VWA3B: variants seen among roughly 807,000 people sequenced by gnomAD.
The protein encoded by VWA3B is von Willebrand factor A domain containing 3B, also known as von Willebrand factor A domain-containing protein 3B.
Under a neutral mutation model 158.3 loss-of-function variants are expected in VWA3B, and 138 were observed. That is an observed-to-expected ratio of 0.87 (90% CI 0.76 to 1.00). VWA3B has a LOEUF of 1.00. Ranked by LOEUF, VWA3B falls within the 50% of genes least tolerant of loss-of-function variation. The pLI is 0.00. For synonymous variants in VWA3B, 596 were observed against 587.3 expected, an observed-to-expected ratio of 1.01 and a Z score of -0.21; for missense variants, 1,555 against 1,565.1, an observed-to-expected ratio of 0.99 and a Z score of 0.11.
chr2:98,210,067 A>G (rs1407927271), intron 12 of VWA3B, among the ~76,000 whole-genome samples: 1 of 152,178 alleles, frequency 6.6e-6, no homozygotes, highest in Non-Finnish European at 1.5e-5. Flanking sequence ...CAGACCACAG[A>G]TTAAAAATAC....
At chr2:98,103,007 C>T (rs1296325440) in intron 2 of VWA3B, among the ~76,000 whole-genome samples, 1 of 152,200 alleles carries the variant, frequency 6.6e-6, no homozygotes, top group Non-Finnish European at 1.5e-5. Context: ...GTATTTTCCT[C>T]AACAGTATTT....
intron 9 of VWA3B, among the ~76,000 whole-genome samples, chr2:98,183,520 A>C (rs765483807): frequency 2.6e-5 from 4 of 152,208 alleles, no homozygotes; most frequent in Non-Finnish European, 5.9e-5. Context: ...ATGCATTTCT[A>C]ATAAGGGAAT....
chr2:98,304,503 G>T (rs866575535), intron 26 of VWA3B, among the ~76,000 whole-genome samples: 1 of 152,092 alleles, frequency 6.6e-6, no homozygotes, highest in Non-Finnish European at 1.5e-5. Flanking sequence ...GCTGTCTTTG[G>T]GTGCTAACCT....
intron 1 of VWA3B, among the ~76,000 whole-genome samples, chr2:98,089,826 A>G (rs887343009): frequency 1.3e-5 from 2 of 151,852 alleles, no homozygotes; most frequent in Admixed American, 6.6e-5. Context: ...CACTTTTTTT[A>G]AAAATTAATT....
At chr2:98,204,272 C>T (rs888005451) in intron 12 of VWA3B, among the ~76,000 whole-genome samples, 5 of 152,280 alleles carry the variant, frequency 3.3e-5, no homozygotes, top group African/African-American at 4.8e-5. Flanking sequence ...CTTATTGCAG[C>T]GGATAGAACT....
intron 16 of VWA3B, among the ~76,000 whole-genome samples, chr2:98,233,764 G>A (rs996586640): frequency 2.0e-5 from 3 of 152,108 alleles, no homozygotes; most frequent in Admixed American, 6.5e-5. Context: ...TGTAGGAGAG[G>A]GTAAGTCCTC....
intron 8 of VWA3B, among the ~76,000 whole-genome samples, chr2:98,164,550 C>T (rs536923437): frequency 1.3e-5 from 2 of 152,224 alleles, no homozygotes; most frequent in South Asian, 4.1e-4. Context: ...AATTACAGAG[C>T]GATTAAGTCA....
At chr2:98,294,056 G>T (rs575249041) in intron 23 of VWA3B, among the ~76,000 whole-genome samples, 2 of 151,570 alleles carry the variant, frequency 1.3e-5, no homozygotes, top group Non-Finnish European at 2.9e-5. Flanking sequence ...TATCATTGCC[G>T]GCCAGAATAC....
At chr2:98,267,325 G>T (rs1254446427) in intron 21 of VWA3B, among the ~76,000 whole-genome samples, 2 of 151,818 alleles carry the variant, frequency 1.3e-5, no homozygotes, top group African/African-American at 2.4e-5. Flanking sequence ...TTTGTCTTTG[G>T]CTCTGTTTAT....
At chr2:98,263,092 A>G (rs1173022029) in intron 21 of VWA3B, among the ~76,000 whole-genome samples, 1 of 151,884 alleles carries the variant, frequency 6.6e-6, no homozygotes, top group Admixed American at 6.6e-5. Flanking sequence ...GTTAGTGTAT[A>G]GAAATGCAAC....
At chr2:98,134,909 T>A (rs2105057481) in intron 7 of VWA3B, among the ~76,000 whole-genome samples, 1 of 151,774 alleles carries the variant, frequency 6.6e-6, no homozygotes, top group South Asian at 2.1e-4. Flanking sequence ...ATTCTTGGTG[T>A]CCAAGCAGAG....
intron 21 of VWA3B, among the ~76,000 whole-genome samples, chr2:98,269,842 A>T (rs1440402763): frequency 2.0e-5 from 3 of 152,222 alleles, no homozygotes; most frequent in Non-Finnish European, 2.9e-5. Flanking sequence ...CATTCCAATA[A>T]GAATGTTTTG....
At chr2:98,164,333 C>G (rs1373701065) in intron 8 of VWA3B, among the ~76,000 whole-genome samples, 1 of 152,300 alleles carries the variant, frequency 6.6e-6, no homozygotes, top group East Asian at 1.9e-4. Context: ...ACTCTTCTAT[C>G]TAATTTGGAA....
At chr2:98,104,615 C>G (rs997578723) in intron 2 of VWA3B, among the ~76,000 whole-genome samples, 5 of 152,220 alleles carry the variant, frequency 3.3e-5, no homozygotes, top group African/African-American at 1.2e-4. Context: ...AATATCCAAA[C>G]TATAGCAACT....
At chr2:98,242,954 G>C (rs1686173186) in intron 19 of VWA3B, among the ~76,000 whole-genome samples, 1 of 151,578 alleles carries the variant, frequency 6.6e-6, no homozygotes, top group Non-Finnish European at 1.5e-5. Context: ...ATTTAAAACA[G>C]TTATCACAAA....
At chr2:98,304,085 A>C (rs947094687) in intron 26 of VWA3B, among the ~76,000 whole-genome samples, 1 of 152,198 alleles carries the variant, frequency 6.6e-6, no homozygotes, top group Non-Finnish European at 1.5e-5. Flanking sequence ...ATTTGTAAAG[A>C]CTGAAGGCCT....
At chr2:98,317,588 C>T (rs914529962), downstream of VWA3B, among the ~76,000 whole-genome samples, 1 of 152,182 alleles carries the variant, frequency 6.6e-6, no homozygotes, top group Non-Finnish European at 1.5e-5. Flanking sequence ...CCAGACATTC[C>T]CTTCCCTTGA....
intron 8 of VWA3B, among the ~76,000 whole-genome samples, chr2:98,169,183 T>C (rs1050376294): frequency 1.3e-5 from 2 of 152,204 alleles, no homozygotes; most frequent in African/African-American, 4.8e-5. Context: ...GGGCAGCATT[T>C]TTTCTTTCAG....
chr2:98,317,333 C>G (rs533268653), downstream of VWA3B, among the ~76,000 whole-genome samples: 1 of 151,676 alleles, frequency 6.6e-6, no homozygotes, highest in African/African-American at 2.4e-5. Flanking sequence ...AATTCTAAAC[C>G]CCCCCCAGCC....
Sources: gnomAD v4.1 joint callset for allele counts (sites outside exome capture counted in the v4.1 genomes callset) on GRCh38, gnomAD v4.1.1 for gene constraint, MANE v1.5 for transcripts, NCBI Gene and HGNC (gene_info 2026-07-23, HGNC 2026-07-21) for gene names.